The following SLA2 variants were observed in gnomAD, a reference collection of about 807,000 sequenced individuals.
SLA2 encodes the protein src-like-adapter 2.
SLA2 carries 22 observed loss-of-function variants against 27.3 expected under a neutral mutation model. The ratio of observed to expected loss-of-function variants is 0.81; its 90% CI spans 0.58 to 1.15. The LOEUF (loss-of-function observed/expected upper bound fraction) is 1.15, where lower values mean the gene tolerates loss of function less well. Ranked by LOEUF, SLA2 falls within the 50% of genes most tolerant of loss-of-function variation. The pLI is 0.00. For synonymous variants in SLA2, 131 were observed against 137.8 expected, an observed-to-expected ratio of 0.95 and a Z score of 0.34; for missense variants, 304 against 322.2, an observed-to-expected ratio of 0.94 and a Z score of 0.43.
At chr20:36,624,648 G>T (rs757651128) in intron 5 of SLA2, among the ~76,000 whole-genome samples, 33 of 152,232 alleles carry the variant, frequency 2.2e-4, no homozygotes, top group Admixed American at 3.3e-4. Context: ...GCAGTTTTAA[G>T]GAGAGCTCAT....
chr20:36,623,173 G>A (rs1445585323), intron 5 of SLA2, among the ~76,000 whole-genome samples: 1 of 149,852 alleles, frequency 6.7e-6, no homozygotes, highest in African/African-American at 2.5e-5. Context: ...AGAGGCTGAG[G>A]CAAGGTATTG....
chr20:36,623,753 C>A (rs1373356556), intron 5 of SLA2, among the ~76,000 whole-genome samples: 2 of 152,064 alleles, frequency 1.3e-5, no homozygotes, highest in Non-Finnish European at 2.9e-5. Context: ...CTCAGCCTCC[C>A]AAGTAGCTGG....
chr20:36,645,334 T>C (rs1978287119), intron 1 of SLA2, among the ~76,000 whole-genome samples: 1 of 151,532 alleles, frequency 6.6e-6, no homozygotes, highest in South Asian at 2.1e-4. Context: ...GCCGCTGCAC[T>C]CCAGCCTGGG....
chr20:36,636,448 A>G (rs868672949), intron 2 of SLA2, among the ~76,000 whole-genome samples: 4,081 of 140,124 alleles, frequency 0.029, 89 homozygotes, highest in Middle Eastern at 0.04. Context: ...AAAAAAAAAA[A>G]TACAAAATTA....
At chr20:36,627,123 G>A (rs545303429) in intron 5 of SLA2, among the ~76,000 whole-genome samples, 10 of 152,260 alleles carry the variant, frequency 6.6e-5, no homozygotes, top group Admixed American at 4.6e-4. Flanking sequence ...AGGATGCAGC[G>A]GTAGAAAGAA....
At chr20:36,614,526 A>C in intron 6 of SLA2, 89 bp from the exon 7 acceptor site, 1 of 1,507,092 alleles carries the variant, frequency 6.6e-7, no homozygotes. Context: ...TGCAGTTGGC[A>C]GGAGGGGGCA....
intron 5 of SLA2, among the ~76,000 whole-genome samples, chr20:36,618,095 C>G (rs1369547842): frequency 5.4e-5 from 8 of 148,428 alleles, no homozygotes; most frequent in African/African-American, 2.0e-4. Context: ...TGCAGTGAGG[C>G]GAGATCGTGC....
rs56340649 is a variant in SLA2 at position 36,616,934 on chromosome 20, G to A, written c.383-1560C>T. Among the ~76,000 whole-genome samples, 79 of 152,090 alleles carry A rather than the reference G, an allele frequency of 5.2e-4. No homozygotes were observed. The South Asian group carries it at 5.6e-3, about 11-fold the overall frequency. On this transcript the variant is annotated intron_variant, in intron 5 of 7. Transcript: ENST00000262866. ...GTGTGGTGGTGCACACCTGTAGTCC[G>A]AGCTACTTGGAAGGCTAAGGCAGGA... is the stretch of plus-strand genomic sequence containing the variant.
chr20:36,615,189 T>C lies in SLA2; in HGVS notation c.532+36A>G, dbSNP rs2039193982. On this transcript the variant is annotated intron_variant, in intron 6 of 7. Transcript: ENST00000262866. ...ACTGCCTGCTCCTCCCCACAGACTA[T>C]CCCAGCCTAGTCCTGGAGGCAGGGA... 2.5e-6 allele frequency: 4 copies of C among 1,613,664 alleles called. No individual in the cohort carries two copies. The African/African-American group carries it at 4.0e-5, about 16-fold the overall frequency.
At position 36,614,319 on chromosome 20, in the gene SLA2, C is replaced by G. The variant is rs139719845; in HGVS notation, c.651G>C (p.Trp217Cys). 25 of 1,614,082 alleles carry G rather than the reference C, an allele frequency of 1.5e-5. No homozygotes were observed. The highest frequency in any genetic ancestry group is 2.1e-5 in the Non-Finnish European group (25 of 1,180,030). ...CCCAACTTTACCTGTCCAGCTCTTT[C>G]CAGTTGAGTGGTGTCCTCTGCACAG... ...PVTVQRTPLN[W>C]KELDSSLLFS... Residue 217 changes from tryptophan (W) to cysteine (C), a missense_variant, in exon 7 of 8, where the codon TGG becomes TGC. Trp to Cys is a radical substitution (Grantham distance 215). Coordinates refer to ENST00000262866, the MANE Select transcript of SLA2 (RefSeq NM_032214.4).
At position 36,619,941 on chromosome 20, in the gene SLA2, T is replaced by A. The variant is rs547673272; in HGVS notation, c.383-4567A>T. Among the ~76,000 whole-genome samples the A allele has an allele frequency of 2.2e-4, 32 of 148,112 alleles. No homozygotes were observed. The East Asian group carries it at 4.5e-3, about 21-fold the overall frequency. On this transcript the variant is annotated intron_variant, in intron 5 of 7. Coordinates refer to ENST00000262866, the MANE Select transcript of SLA2 (RefSeq NM_032214.4). ...GCCACCGTGCCTGGCCAAAAAAAAA[T>A]TTTTTTTTAATTAACCAGGTGTGGT... is the stretch of plus-strand genomic sequence containing the variant.
chr20:36,627,201 C>T lies in SLA2; in HGVS notation c.382+5394G>A, dbSNP rs145852421. 4.6e-3 allele frequency among the ~76,000 whole-genome samples: 697 copies of T among 152,098 alleles called. 5 individuals are homozygous for T. The highest frequency in any genetic ancestry group is 0.015 in the African/African-American group (612 of 41,476). On this transcript the variant is annotated intron_variant, in intron 5 of 7. Coordinates refer to ENST00000262866, the MANE Select transcript of SLA2 (RefSeq NM_032214.4). The stretch of plus-strand genomic sequence containing the variant: ...GAACAGTGGAAGCTGTGGCTGGACG[C>T]GGAGCCTAGAGGAGGACCCACCAGA...
chr20:36,640,978 C>T (rs2039501321), intron 2 of SLA2, among the ~76,000 whole-genome samples: 1 of 152,182 alleles, frequency 6.6e-6, no homozygotes, highest in Non-Finnish European at 1.5e-5. Flanking sequence ...GGGGGACTGT[C>T]ATGCCCTCCT....
chr20:36,636,456 T>G (rs989176331), intron 2 of SLA2, among the ~76,000 whole-genome samples: 2 of 138,654 alleles, frequency 1.4e-5, no homozygotes, highest in Non-Finnish European at 3.1e-5. Context: ...AAATACAAAA[T>G]TAGCCCTATG....
chr20:36,629,680 A>G (rs1278033791), intron 5 of SLA2, among the ~76,000 whole-genome samples: 1 of 152,160 alleles, frequency 6.6e-6, no homozygotes, highest in Non-Finnish European at 1.5e-5. Flanking sequence ...AGGTTGAAGC[A>G]GGAGACTCGC....
At chr20:36,637,234 G>A (rs920432033) in intron 2 of SLA2, among the ~76,000 whole-genome samples, 6 of 125,932 alleles carry the variant, frequency 4.8e-5, no homozygotes, top group Admixed American at 4.1e-4. Flanking sequence ...ACGGAGTCTC[G>A]CTCTGTCGCC....
Position 36,633,562 on chromosome 20 carries a change from C to T in SLA2, c.259G>A (p.Val87Met), listed in dbSNP as rs1313562140. The change falls in exon 4 of 8, where the codon GTG becomes ATG. Residue 87 changes from valine (V) to methionine (M), a missense_variant. Coordinates refer to ENST00000262866, the MANE Select transcript of SLA2 (RefSeq NM_032214.4). ...GREYNIPSVH[V>M]AKVSHGWLYE... Reference sequence around the variant, plus strand: ...ACTCACCCATGGGAGACTTTGGCCACGTGGACGCTGGGGATGTTATACTCT... The same window carrying T: ...ACTCACCCATGGGAGACTTTGGCCATGTGGACGCTGGGGATGTTATACTCT... The T allele has an allele frequency of 7.4e-6, 12 of 1,613,992 alleles. No homozygotes were observed. The highest frequency in any genetic ancestry group is 2.7e-5 in the African/African-American group (2 of 74,918).
chr20:36,618,410 G>GT (rs906743993), intron 5 of SLA2, among the ~76,000 whole-genome samples: 96 of 151,280 alleles, frequency 6.3e-4, no homozygotes, highest in Non-Finnish European at 8.7e-4. Context: ...CTATTTTTTT[G>GT]TTTTTTTAGT....
intron 1 of SLA2, among the ~76,000 whole-genome samples, chr20:36,643,966 A>G (rs1290698137): frequency 6.6e-6 from 1 of 151,904 alleles, no homozygotes; most frequent in Non-Finnish European, 1.5e-5. Context: ...TCCCGCCCCA[A>G]AAAACCTAAT....
Sources: allele counts gnomAD v4.1 joint callset (sites outside exome capture counted in the v4.1 genomes callset), GRCh38; gene constraint gnomAD v4.1.1; transcripts MANE v1.5; gene names NCBI Gene and HGNC (gene_info 2026-07-23, HGNC 2026-07-21).